Variants in DCLK1 observed in about 807,000 individuals in gnomAD.
The protein encoded by DCLK1 is serine/threonine-protein kinase DCLK1.
A neutral mutation model predicts 86.2 loss-of-function variants in DCLK1; 16 were observed. The observed-to-expected ratio is 0.19, with a 90% CI of 0.13 to 0.28. DCLK1 has a LOEUF of 0.28. DCLK1 is among the 10% of genes least tolerant of loss of function. The probability of loss-of-function intolerance (pLI) is 1.00; values close to 1 mark genes in which losing one functional copy is unlikely to be tolerated. For missense variants in DCLK1, 590 were observed against 940.2 expected, an observed-to-expected ratio of 0.63 and a Z score of 4.87; for synonymous variants, 369 against 370.5, an observed-to-expected ratio of 1.00 and a Z score of 0.05.
At chr13:36,130,906 G>A (rs1364534190) in intron 1 of DCLK1, among the ~76,000 whole-genome samples, 2 of 152,096 alleles carry the variant, frequency 1.3e-5, no homozygotes, top group Admixed American at 6.5e-5. Flanking sequence ...AGCAGCCCCG[G>A]GGCCGCCCGC....
chr13:36,092,515 C>T (rs1593882786), intron 3 of DCLK1, among the ~76,000 whole-genome samples: 2 of 105,644 alleles, frequency 1.9e-5, no homozygotes, highest in East Asian at 6.0e-4. Flanking sequence ...GAGACAGAGT[C>T]TCACTCTGTC....
intron 4 of DCLK1, among the ~76,000 whole-genome samples, chr13:35,879,577 C>T (rs553785662): frequency 1.9e-4 from 29 of 152,264 alleles, no homozygotes; most frequent in African/African-American, 6.5e-4. Flanking sequence ...GGTTTAGCTC[C>T]GGGAGATTGC....
intron 3 of DCLK1, among the ~76,000 whole-genome samples, chr13:36,029,548 T>C (rs1014182271): frequency 2.0e-5 from 3 of 152,176 alleles, no homozygotes; most frequent in Non-Finnish European, 4.4e-5. Context: ...TGTTAAATAC[T>C]AGACTCTACT....
At chr13:35,855,984 T>A in intron 5 of DCLK1, 4 of 469,960 alleles carry the variant, frequency 8.5e-6, no homozygotes, top group Non-Finnish European at 1.1e-5. Flanking sequence ...AGGTAGGATG[T>A]TTATTGATTT....
intron 15 of DCLK1, among the ~76,000 whole-genome samples, chr13:35,801,347 T>C (rs1158498337): frequency 6.6e-6 from 1 of 152,230 alleles, no homozygotes; most frequent in Non-Finnish European, 1.5e-5. Flanking sequence ...TAACAATTGA[T>C]TATTTTCAGA....
chr13:36,131,869 T>G (rs1262517730), upstream of DCLK1, among the ~76,000 whole-genome samples: 1 of 152,194 alleles, frequency 6.6e-6, no homozygotes, highest in African/African-American at 2.4e-5. Context: ...ACGCAGTGCC[T>G]CTTCGGATGA....
At position 35,828,292 on chromosome 13, in the gene DCLK1, C is replaced by T; in HGVS notation, c.1245G>A (p.Glu415=). The part of the protein sequence containing the change: ...KECVERSTAR[E]YALKIIKKSK... The stretch of plus-strand genomic sequence containing the variant: ...TTTTCTTGATAATTTTCAGAGCATA[C>T]TCTCTAGCAGTCGATCTGCGAAGAG... Residue 415 remains glutamate, a synonymous_variant, in exon 9 of 17, where the codon GAG becomes GAA. Transcript: ENST00000360631. 1 of 1,608,994 alleles carries T rather than the reference C, an allele frequency of 6.2e-7. No homozygotes were observed. The highest frequency in any genetic ancestry group is 8.5e-7 in the Non-Finnish European group (1 of 1,179,222).
At chr13:36,049,228 G>C (rs1057091714) in intron 3 of DCLK1, among the ~76,000 whole-genome samples, 1 of 152,106 alleles carries the variant, frequency 6.6e-6, no homozygotes, top group African/African-American at 2.4e-5. Context: ...ATTTTAGATT[G>C]TTTAGTACTG....
chr13:35,972,084 T>C (rs1322964844), intron 3 of DCLK1, among the ~76,000 whole-genome samples: 1 of 152,198 alleles, frequency 6.6e-6, no homozygotes, highest in African/African-American at 2.4e-5. Context: ...CTTGGATACC[T>C]ATCCTTGTCC....
intron 3 of DCLK1, among the ~76,000 whole-genome samples, chr13:36,078,049 G>T (rs973518587): frequency 3.3e-5 from 5 of 152,198 alleles, no homozygotes; most frequent in African/African-American, 1.2e-4. Context: ...GGTATTTGGA[G>T]ATGGAGCCTT....
chr13:35,923,693 T>C (rs1288879780), intron 4 of DCLK1, among the ~76,000 whole-genome samples: 1 of 152,134 alleles, frequency 6.6e-6, no homozygotes, highest in African/African-American at 2.4e-5. Flanking sequence ...AATATTTCCC[T>C]GCTATCTATT....
At chr13:35,822,630 G>A in intron 11 of DCLK1, 99 bp downstream of exon 11, 2 of 1,542,586 alleles carry the variant, frequency 1.3e-6, no homozygotes, top group Non-Finnish European at 1.8e-6. Context: ...AACCTTTCAG[G>A]TAAATTTTTA....
intron 14 of DCLK1, among the ~76,000 whole-genome samples, chr13:35,807,651 A>G (rs1027035096): frequency 6.6e-6 from 1 of 152,248 alleles, no homozygotes; most frequent in African/African-American, 2.4e-5. Context: ...TCTAGTGGAG[A>G]GAGTCTGGAA....
chr13:35,850,522 A>G, intron 6 of DCLK1: 2 of 1,246,344 alleles, frequency 1.6e-6, no homozygotes, highest in South Asian at 3.0e-5. Flanking sequence ...CATGTGGGAG[A>G]TATTTTTAAA....
intron 4 of DCLK1, among the ~76,000 whole-genome samples, chr13:35,874,859 T>C (rs980369484): frequency 6.6e-6 from 1 of 152,242 alleles, no homozygotes; most frequent in African/African-American, 2.4e-5. Flanking sequence ...ATCCTGGAGT[T>C]TGTCCTAGCT....
chr13:35,833,279 T>A (rs1407241849), intron 8 of DCLK1, among the ~76,000 whole-genome samples: 1 of 152,176 alleles, frequency 6.6e-6, no homozygotes, highest in Admixed American at 6.5e-5. Flanking sequence ...CCCCAACCCT[T>A]GGCTCGTGTA....
At chr13:36,109,166 C>T (rs192186213) in intron 3 of DCLK1, among the ~76,000 whole-genome samples, 134 of 152,296 alleles carry the variant, frequency 8.8e-4, no homozygotes, top group African/African-American at 3.1e-3. Context: ...TCCTCTGCAG[C>T]TTTTCACTGA....
chr13:35,998,059 C>T (rs1168601096), intron 3 of DCLK1, among the ~76,000 whole-genome samples: 1 of 152,194 alleles, frequency 6.6e-6, no homozygotes, highest in African/African-American at 2.4e-5. Context: ...CCACCTTCCT[C>T]AGTGGCTTTA....
At chr13:35,911,127 CAAA>C in intron 4 of DCLK1, among the ~76,000 whole-genome samples, 1 of 122,194 alleles carries the variant, frequency 8.2e-6, no homozygotes, top group East Asian at 2.4e-4. Context: ...ACTAAAAATA[CAAA>C]AAAAAAAAAA....
Sources: gnomAD v4.1 joint callset for allele counts (sites outside exome capture counted in the v4.1 genomes callset) on GRCh38, gnomAD v4.1.1 for gene constraint, MANE v1.5 for transcripts, NCBI Gene and HGNC (gene_info 2026-07-23, HGNC 2026-07-21) for gene names.